SDAD1: variants seen among roughly 807,000 people sequenced by gnomAD.
The protein encoded by SDAD1 is protein SDA1 homolog.
In SDAD1, 79 loss-of-function variants were observed where a neutral mutation model predicts 100.3. The ratio of observed to expected loss-of-function variants is 0.79; its 90% confidence interval spans 0.66 to 0.95. The LOEUF is 0.95. SDAD1 is among the 40% of genes least tolerant of loss of function. The pLI is 0.00. For synonymous variants in SDAD1, 267 were observed against 271.4 expected, an observed-to-expected ratio of 0.98 and a Z score of 0.16; for missense variants, 790 against 810.9, an observed-to-expected ratio of 0.97 and a Z score of 0.31.
chr4:75,958,456 C>A (rs1729031567), intron 17 of SDAD1, among the ~76,000 whole-genome samples: 1 of 152,192 alleles, frequency 6.6e-6, no homozygotes, highest in African/African-American at 2.4e-5. Context: ...GTTAAAGAAT[C>A]CTGAAGACAC....
chr4:75,983,466 CT>C (rs1348677518), intron 1 of SDAD1, among the ~76,000 whole-genome samples: 3 of 152,202 alleles, frequency 2.0e-5, no homozygotes, highest in Non-Finnish European at 4.4e-5. Flanking sequence ...TGTTTCCTGA[CT>C]TTTTAATGAT....
Position 75,950,712 on chromosome 4 carries a change from C to T in SDAD1, c.*38G>A, listed in dbSNP as rs756285326. The T allele has an allele frequency of 5.4e-6, 8 of 1,469,234 alleles. No individual in the cohort carries two copies. In the South Asian group the frequency reaches 7.1e-5, roughly 13 times the overall value. The allele number at this position is 1,469,234 out of a possible 1,614,324, so 91.0% of individuals were successfully genotyped here. A position where few individuals can be genotyped will look rare whatever the true frequency, so the allele number is the denominator to read the frequency against. On this transcript the variant is annotated 3_prime_UTR_variant, in exon 22 of 22. Transcript: ENST00000356260. ...CCAATTTTCAGAGCAAGGACACAAA[C>T]TTAGCATTCTTCTAGGAATGGAAAA...
rs1278723156 is a variant in SDAD1 at position 75,962,790 on chromosome 4, T to C, written c.1181+1345A>G. Among the ~76,000 whole-genome samples the C allele has an allele frequency of 2.0e-5, 3 of 152,236 alleles. No individual in the cohort carries two copies. The East Asian group carries it at 5.8e-4, about 29-fold the overall frequency. ...TAAGGTCTTTGTAGATTCTGGATAT[T>C]AGCCCTTTGTCAGATGGGTAGATTG... On this transcript the variant is annotated intron_variant, in intron 14 of 21. Transcript: ENST00000356260.
chr4:75,976,694 C>CT (rs1245299638), intron 4 of SDAD1, among the ~76,000 whole-genome samples: 1 of 151,964 alleles, frequency 6.6e-6, no homozygotes, highest in Non-Finnish European at 1.5e-5. Context: ...GAATTGTACA[C>CT]TTTAAGTGGA....
In SDAD1 at chr4:75,966,535, G is replaced by T. The variant is rs540382765; in HGVS notation, c.1046-713C>A. Among the ~76,000 whole-genome samples the T allele has an allele frequency of 2.0e-5, 3 of 152,222 alleles. No individual in the cohort carries two copies. The South Asian group carries it at 6.2e-4, about 32-fold the overall frequency. The stretch of plus-strand genomic sequence containing the variant: ...CATGTTAGATACTGAATAAATGTTA[G>T]TTTCCTTCCTACTTTGGTTCAGGTT... On this transcript the variant is annotated intron_variant, in intron 12 of 21. Coordinates refer to ENST00000356260, the MANE Select transcript of SDAD1 (RefSeq NM_018115.4).
intron 3 of SDAD1, among the ~76,000 whole-genome samples, 170 bp from the exon 4 acceptor site, chr4:75,977,926 C>T (rs777012623): frequency 2.0e-5 from 3 of 151,916 alleles, no homozygotes; most frequent in African/African-American, 4.8e-5. Flanking sequence ...TAGAGCAGAA[C>T]GGAGGACAGA....
intron 17 of SDAD1, 41 bp downstream of exon 17, chr4:75,960,025 A>T (rs753097477): frequency 6.3e-7 from 1 of 1,585,186 alleles, no homozygotes; most frequent in Non-Finnish European, 8.6e-7. Flanking sequence ...CAGATACTGC[A>T]GGAGTGTTTT....
At chr4:75,951,518 A>G (rs1029339847) in intron 21 of SDAD1, among the ~76,000 whole-genome samples, 2 of 152,220 alleles carry the variant, frequency 1.3e-5, no homozygotes, top group African/African-American at 4.8e-5. Context: ...GGAAGTATGT[A>G]AAGTGAACAT....
At chr4:75,959,350 T>A (rs900655230) in intron 17 of SDAD1, among the ~76,000 whole-genome samples, 26 of 152,194 alleles carry the variant, frequency 1.7e-4, no homozygotes, top group Non-Finnish European at 3.4e-4. Flanking sequence ...ACGCCTGTAA[T>A]CCCAGCACTT....
At chr4:75,989,450 T>C (rs773822497) in intron 1 of SDAD1, among the ~76,000 whole-genome samples, 1 of 152,236 alleles carries the variant, frequency 6.6e-6, no homozygotes, top group East Asian at 1.9e-4. Flanking sequence ...TTATCTGTCT[T>C]ATTCATTACT....
At position 75,956,105 on chromosome 4, in the gene SDAD1, C is replaced by CT; in HGVS notation, c.1885dup (p.Arg629LysfsTer15). The CT allele has an allele frequency of 6.2e-7, 1 of 1,606,570 alleles. No individual in the cohort carries two copies. The highest frequency in any genetic ancestry group is 1.1e-5 in the South Asian group (1 of 88,728). ...AAATGGATTTGTTTTGGTTTTCTTC[C>CT]TCACAAATTCTTTTCGGTCTGTCTT... On this transcript the variant is annotated frameshift_variant, in exon 21 of 22. Coordinates refer to ENST00000356260, the MANE Select transcript of SDAD1 (RefSeq NM_018115.4). LOFTEE classifies it high-confidence loss of function.
intron 11 of SDAD1, 39 bp from the exon 12 acceptor site, chr4:75,967,373 A>G: frequency 6.4e-7 from 1 of 1,560,420 alleles, no homozygotes; most frequent in Non-Finnish European, 8.8e-7. Context: ...GATGCAGCTG[A>G]CACTATGGAG....
intron 21 of SDAD1, among the ~76,000 whole-genome samples, chr4:75,954,762 G>A (rs778974784): frequency 2.1e-4 from 32 of 152,168 alleles, no homozygotes; most frequent in Admixed American, 3.3e-4. Context: ...ATGAACGGAC[G>A]TGCAGTCAGG....
intron 1 of SDAD1, 183 bp downstream of exon 1, chr4:75,990,569 A>G: frequency 8.0e-7 from 1 of 1,252,442 alleles, no homozygotes. Flanking sequence ...GATTTTCAAG[A>G]GGTGGGGAAC....
chr4:75,957,963 A>C, intron 17 of SDAD1, 22 bp from the exon 18 acceptor site: 1 of 1,579,252 alleles, frequency 6.3e-7, no homozygotes, highest in Non-Finnish European at 8.7e-7. Flanking sequence ...AAGCAAACCC[A>C]CTACTGCCAT....
At chr4:75,969,833 A>T (rs1266862358) in intron 10 of SDAD1, among the ~76,000 whole-genome samples, 1 of 152,124 alleles carries the variant, frequency 6.6e-6, no homozygotes, top group Non-Finnish European at 1.5e-5. Flanking sequence ...GCCCAGCTAC[A>T]CCCCATACCA....
intron 1 of SDAD1, among the ~76,000 whole-genome samples, chr4:75,989,442 A>G (rs1731099252): frequency 6.6e-6 from 1 of 152,216 alleles, no homozygotes; most frequent in African/African-American, 2.4e-5. Flanking sequence ...ATGCTTTCTT[A>G]TCTGTCTTAT....
intron 15 of SDAD1, 21 bp from the exon 16 acceptor site, chr4:75,961,125 T>C (rs1440718421): frequency 6.2e-7 from 1 of 1,612,288 alleles, no homozygotes; most frequent in African/African-American, 1.3e-5. Flanking sequence ...ATACTTTTAA[T>C]TAGAAATTCT....
rs753046344 is a variant in SDAD1 at position 75,957,924 on chromosome 4, T to C, written c.1501A>G (p.Ser501Gly). The change falls in exon 18 of 22, where the codon AGT (serine) becomes GGT (glycine). Residue 501 changes from serine to glycine, a missense_variant. Physicochemically the swap from Ser to Gly is moderately conservative, Grantham distance 56. Transcript: ENST00000356260. ...TCAGCATCCTCCTCCTCACTGAGAC[T>C]GGTACTTTCCCATCCATCTGCGTGA... ...ENDEDGWEST[S>G]LSEEEDADGE... 2.5e-6 allele frequency: 4 copies of C among 1,612,840 alleles called. No homozygotes were observed. Among genetic ancestry groups the C allele is most frequent in the Non-Finnish European group, 3.4e-6 (4 of 1,179,980 alleles).
Sources: allele counts gnomAD v4.1 joint callset (sites outside exome capture counted in the v4.1 genomes callset), GRCh38; gene constraint gnomAD v4.1.1; transcripts MANE v1.5; gene names NCBI Gene and HGNC (gene_info 2026-07-23, HGNC 2026-07-21).